PRKD1: variants seen among roughly 807,000 people sequenced by gnomAD.
PRKD1 encodes the protein protein kinase D1, also known as serine/threonine-protein kinase D1.
A neutral mutation model predicts 95.9 loss-of-function variants in PRKD1; 63 were observed. That is an observed-to-expected ratio of 0.66 (90% CI 0.54 to 0.81). PRKD1 has a LOEUF of 0.81. Ranked by LOEUF, PRKD1 falls within the 30% of genes least tolerant of loss-of-function variation. The pLI, the probability that PRKD1 is intolerant of heterozygous loss-of-function variation, is 0.00. For synonymous variants in PRKD1, 425 were observed against 423.1 expected (o/e 1.00, Z -0.05); for missense variants, 1,048 against 1,165.3 (o/e 0.90, Z 1.47).
At position 29,656,796 on chromosome 14, in the gene PRKD1, C is replaced by T. The variant is rs45529735; in HGVS notation, c.696+6903G>A. On this transcript the variant is annotated intron_variant, in intron 4 of 17. Transcript: ENST00000331968. ...AAAACAGCTCTACTTGTCATGGTCTCAGTGATGAACGATGGTTCTTTCACC... is the reference window on the plus strand; with the variant it reads ...AAAACAGCTCTACTTGTCATGGTCTTAGTGATGAACGATGGTTCTTTCACC... 4.9e-3 allele frequency among the ~76,000 whole-genome samples: 742 copies of T among 152,234 alleles called. 25 individuals are homozygous for T. Among genetic ancestry groups the T allele is most frequent in the Admixed American group, 0.044 (677 of 15,280 alleles).
intron 1 of PRKD1, among the ~76,000 whole-genome samples, chr14:29,868,095 T>G (rs938793485): frequency 2.0e-5 from 3 of 152,220 alleles, no homozygotes; most frequent in African/African-American, 7.2e-5. Context: ...TTCCTCGACT[T>G]CAATAACAGT....
At chr14:29,577,563 T>C (rs372104652) in intron 17 of PRKD1, 107 bp from the exon 18 acceptor site, 55 of 1,054,290 alleles carry the variant, frequency 5.2e-5, no homozygotes, top group African/African-American at 2.7e-4. Flanking sequence ...CTCCTTCCAC[T>C]CTAACAGCGC....
At chr14:29,748,223 G>A (rs533988590) in intron 1 of PRKD1, among the ~76,000 whole-genome samples, 39 of 152,168 alleles carry the variant, frequency 2.6e-4, no homozygotes, top group Admixed American at 7.9e-4. Context: ...TATGGTTTGG[G>A]ATTTCAAAAT....
chr14:29,779,820 A>G (rs1349451622), intron 1 of PRKD1, among the ~76,000 whole-genome samples: 1 of 152,130 alleles, frequency 6.6e-6, no homozygotes, highest in Non-Finnish European at 1.5e-5. Context: ...AAAAGAGCCC[A>G]CATTGCCAAG....
chr14:29,705,564 G>A (rs904179998), intron 2 of PRKD1, among the ~76,000 whole-genome samples: 13 of 151,582 alleles, frequency 8.6e-5, no homozygotes, highest in Admixed American at 5.9e-4. Flanking sequence ...CTGAACCATC[G>A]CTGCTATCTG....
intron 1 of PRKD1, among the ~76,000 whole-genome samples, chr14:29,794,032 A>C (rs1260322212): frequency 6.6e-6 from 1 of 152,098 alleles, no homozygotes; most frequent in Non-Finnish European, 1.5e-5. Flanking sequence ...TCTGCTGTGC[A>C]CAATGATTAA....
chr14:29,867,464 G>C (rs1217291825), intron 1 of PRKD1, among the ~76,000 whole-genome samples: 2 of 152,324 alleles, frequency 1.3e-5, no homozygotes, highest in Admixed American at 6.5e-5. Flanking sequence ...CCTCATCTGT[G>C]CACAGAAAGG....
chr14:29,682,490 A>G (rs1191530975), intron 2 of PRKD1, among the ~76,000 whole-genome samples: 1 of 152,190 alleles, frequency 6.6e-6, no homozygotes, highest in Non-Finnish European at 1.5e-5. Context: ...ATGTAATTGT[A>G]CCAGACTAAC....
intron 16 of PRKD1, among the ~76,000 whole-genome samples, chr14:29,589,369 A>T (rs1277681545): frequency 6.6e-6 from 1 of 152,180 alleles, no homozygotes; most frequent in East Asian, 1.9e-4. Context: ...CTAAGAATAA[A>T]CTCTGTGGAA....
chr14:29,816,002 A>G (rs1485147203), intron 1 of PRKD1, among the ~76,000 whole-genome samples: 3 of 152,064 alleles, frequency 2.0e-5, no homozygotes, highest in Admixed American at 6.5e-5. Flanking sequence ...GGCGGATCAC[A>G]AAGTCAGGAG....
intron 1 of PRKD1, among the ~76,000 whole-genome samples, chr14:29,758,952 T>C (rs1395621535): frequency 6.6e-6 from 1 of 152,244 alleles, no homozygotes; most frequent in Non-Finnish European, 1.5e-5. Context: ...AGAGTTTCTA[T>C]ACTTACGAAC....
intron 13 of PRKD1, among the ~76,000 whole-genome samples, chr14:29,605,809 A>G: frequency 6.6e-6 from 1 of 152,190 alleles, no homozygotes; most frequent in Non-Finnish European, 1.5e-5. Flanking sequence ...AATATTCTTT[A>G]AGATCTCCAT....
chr14:29,783,736 T>C (rs1889149417), intron 1 of PRKD1, among the ~76,000 whole-genome samples: 1 of 152,192 alleles, frequency 6.6e-6, no homozygotes, highest in African/African-American at 2.4e-5. Context: ...TCCTGATGAT[T>C]AGAGAGATGC....
intron 1 of PRKD1, among the ~76,000 whole-genome samples, chr14:29,877,167 AG>A (rs1261579360): frequency 6.6e-5 from 10 of 151,824 alleles, no homozygotes; most frequent in Admixed American, 6.5e-4. Flanking sequence ...AAAAAAAAGA[AG>A]AAGAAGAAGT....
intron 1 of PRKD1, among the ~76,000 whole-genome samples, chr14:29,858,622 C>T (rs1001226294): frequency 2.0e-5 from 3 of 152,040 alleles, no homozygotes; most frequent in Admixed American, 1.3e-4. Context: ...CTACTTTTCC[C>T]CTGGGATTTT....
intron 13 of PRKD1, among the ~76,000 whole-genome samples, chr14:29,612,913 A>G (rs1230962409): frequency 6.6e-6 from 1 of 152,172 alleles, no homozygotes; most frequent in Non-Finnish European, 1.5e-5. Flanking sequence ...CCTGGCTAAC[A>G]AGGTGAAACC....
chr14:29,679,330 C>G (rs1008670714), intron 2 of PRKD1, among the ~76,000 whole-genome samples: 1 of 152,174 alleles, frequency 6.6e-6, no homozygotes, highest in African/African-American at 2.4e-5. Flanking sequence ...TTTGGTAGAG[C>G]TTTGAAGTCA....
At chr14:29,895,319 A>T (rs879717634) in intron 1 of PRKD1, among the ~76,000 whole-genome samples, 1 of 151,886 alleles carries the variant, frequency 6.6e-6, no homozygotes, top group Non-Finnish European at 1.5e-5. Context: ...TCCATCTCAA[A>T]AACAAACAAA....
chr14:29,860,272 G>A (rs527566807), intron 1 of PRKD1, among the ~76,000 whole-genome samples: 5 of 152,274 alleles, frequency 3.3e-5, no homozygotes, highest in African/African-American at 4.8e-5. Context: ...CGAAGGCTGC[G>A]GAGGGAAAAA....
Sources: gnomAD v4.1 joint callset for allele counts (sites outside exome capture counted in the v4.1 genomes callset) on GRCh38, gnomAD v4.1.1 for gene constraint, MANE v1.5 for transcripts, NCBI Gene and HGNC (gene_info 2026-07-23, HGNC 2026-07-21) for gene names.